The following ZSWIM7 variants were observed in gnomAD, a reference collection of about 807,000 sequenced individuals.
ZSWIM7 encodes zinc finger SWIM-type containing 7.
ZSWIM7 carries 22 observed loss-of-function variants against 21.1 expected under a neutral mutation model. The ratio of observed to expected loss-of-function variants is 1.04; its 90% CI spans 0.74 to 1.49. The LOEUF (loss-of-function observed/expected upper bound fraction) is 1.49. ZSWIM7 is among the 40% of genes most tolerant of loss of function. The probability of loss-of-function intolerance (pLI) is 0.00; values close to 1 mark genes in which losing one functional copy is unlikely to be tolerated. For synonymous variants in ZSWIM7, 67 were observed against 66.5 expected (o/e 1.01, Z -0.04); for missense variants, 193 against 168.0 (o/e 1.15, Z -0.82).
chr17:15,995,141 A>T (rs1970533430), intron 1 of ZSWIM7, among the ~76,000 whole-genome samples: 1 of 152,204 alleles, frequency 6.6e-6, no homozygotes, highest in Non-Finnish European at 1.5e-5. Flanking sequence ...ATCTTCTGAA[A>T]AAAAGTTATA....
chr17:15,996,369 G>A (rs190196148), intron 1 of ZSWIM7, among the ~76,000 whole-genome samples: 435 of 152,186 alleles, frequency 2.9e-3, no homozygotes, highest in Middle Eastern at 6.8e-3. Flanking sequence ...AACAGGGGCC[G>A]GTGTGGGGGC....
chr17:15,989,971 A>C (rs1182261923), intron 2 of ZSWIM7, among the ~76,000 whole-genome samples: 1 of 152,114 alleles, frequency 6.6e-6, no homozygotes, highest in Non-Finnish European at 1.5e-5. Context: ...CTGTAATCCC[A>C]GCACTTTGGG....
chr17:15,978,860 CAT>C (rs773325299), intron 4 of ZSWIM7, among the ~76,000 whole-genome samples: 3 of 151,986 alleles, frequency 2.0e-5, no homozygotes, highest in Non-Finnish European at 2.9e-5. Context: ...AAGTGCTTCT[CAT>C]AGATTATCTC....
At position 15,999,624 on chromosome 17, in the gene ZSWIM7, G is replaced by A. The variant is rs779218631; in HGVS notation, c.-30C>T. ...CCGCAGGACACGCCCTCCACGACCG[G>A]CGGACCGCCGCGACGCTCCAGCTGA... is the stretch of plus-strand genomic sequence containing the variant. On this transcript the variant is annotated 5_prime_UTR_variant, in exon 1 of 5. Coordinates refer to ENST00000399277, the MANE Select transcript of ZSWIM7 (RefSeq NM_001042697.2). The A allele has an allele frequency of 3.2e-6, 5 of 1,565,524 alleles. No homozygotes were observed. The highest frequency in any genetic ancestry group is 2.4e-5 in the East Asian group (1 of 41,794).
chr17:15,998,796 C>A (rs900737078), intron 1 of ZSWIM7, among the ~76,000 whole-genome samples: 1 of 151,220 alleles, frequency 6.6e-6, no homozygotes, highest in Non-Finnish European at 1.5e-5. Flanking sequence ...CTCTTGTTGC[C>A]CAGGCTGGAG....
intron 3 of ZSWIM7, among the ~76,000 whole-genome samples, chr17:15,982,520 C>T (rs1255720705): frequency 6.6e-6 from 1 of 151,856 alleles, no homozygotes; most frequent in African/African-American, 2.4e-5. Flanking sequence ...TCTTTCTTAC[C>T]CACAGAGAAT....
At position 15,999,627 on chromosome 17, in the gene ZSWIM7, G is replaced by T; in HGVS notation, c.-33C>A. 6.4e-7 allele frequency: 1 copy of T among 1,565,090 alleles called. No individual in the cohort carries two copies. Among genetic ancestry groups the T allele is most frequent in the Non-Finnish European group, 8.6e-7 (1 of 1,156,410 alleles). ...CAGGACACGCCCTCCACGACCGGCGGACCGCCGCGACGCTCCAGCTGACTG... is the reference window on the plus strand; with the variant it reads ...CAGGACACGCCCTCCACGACCGGCGTACCGCCGCGACGCTCCAGCTGACTG... On this transcript the variant is annotated 5_prime_UTR_variant, in exon 1 of 5. Coordinates refer to ENST00000399277, the MANE Select transcript of ZSWIM7 (RefSeq NM_001042697.2).
chr17:15,995,935 G>GA (rs1319300078), intron 1 of ZSWIM7, among the ~76,000 whole-genome samples: 2 of 151,214 alleles, frequency 1.3e-5, no homozygotes, highest in Admixed American at 6.6e-5. Context: ...AACTTCCAGA[G>GA]AAAAAAAAGG....
chr17:15,998,902 C>T (rs1302358994), intron 1 of ZSWIM7, among the ~76,000 whole-genome samples: 1 of 150,710 alleles, frequency 6.6e-6, no homozygotes, highest in Admixed American at 6.6e-5. Context: ...TTACAGGCGC[C>T]CGCCACCACG....
chr17:15,999,487 T>C, intron 1 of ZSWIM7, 32 bp downstream of exon 1: 1 of 1,593,484 alleles, frequency 6.3e-7, no homozygotes, highest in Non-Finnish European at 8.5e-7. Context: ...CCCGCGCCCA[T>C]GGCGCAGCCA....
intron 2 of ZSWIM7, among the ~76,000 whole-genome samples, chr17:15,992,132 G>C (rs758513975): frequency 5.9e-5 from 9 of 151,978 alleles, no homozygotes; most frequent in Non-Finnish European, 1.3e-4. Flanking sequence ...TCACCATGTT[G>C]GTCAGGCTGG....
chr17:15,978,872 C>A lies in ZSWIM7; in HGVS notation c.307-709G>T, dbSNP rs548759571. On this transcript the variant is annotated intron_variant, in intron 4 of 4. Coordinates refer to ENST00000399277, the MANE Select transcript of ZSWIM7 (RefSeq NM_001042697.2). ...GTGAAGTGCTTCTCATAGATTATCT[C>A]ACTGAAATCTGACAGCTCCCTAGGA... 3.3e-5 allele frequency among the ~76,000 whole-genome samples: 5 copies of A among 151,872 alleles called. No homozygotes were observed. In the East Asian group the frequency reaches 9.7e-4, roughly 29 times the overall value.
At chr17:15,995,270 CTTTT>C (rs1186343441) in intron 1 of ZSWIM7, among the ~76,000 whole-genome samples, 3 of 142,812 alleles carry the variant, frequency 2.1e-5, no homozygotes, top group African/African-American at 7.7e-5. Flanking sequence ...CCCCGTCTCT[CTTTT>C]TTTTTTTTTT....
chr17:15,993,358 T>G (rs962447106), intron 2 of ZSWIM7, among the ~76,000 whole-genome samples: 1 of 150,054 alleles, frequency 6.7e-6, no homozygotes, highest in South Asian at 2.1e-4. Flanking sequence ...TTTTATTTAT[T>G]TATTTATTTA....
At chr17:15,995,434 AT>A (rs201097569) in intron 1 of ZSWIM7, among the ~76,000 whole-genome samples, 6,464 of 151,898 alleles carry the variant, frequency 0.043, 458 homozygotes, top group African/African-American at 0.15. Flanking sequence ...CGCCCAGCTA[AT>A]TTTTTTAGTA....
At chr17:15,985,106 C>A (rs1159507609) in intron 3 of ZSWIM7, among the ~76,000 whole-genome samples, 1 of 152,122 alleles carries the variant, frequency 6.6e-6, no homozygotes, top group African/African-American at 2.4e-5. Context: ...GAGTTTGAGA[C>A]CAGCCTGGAC....
chr17:15,990,152 G>A (rs1196107744), intron 2 of ZSWIM7, among the ~76,000 whole-genome samples: 8 of 150,924 alleles, frequency 5.3e-5, no homozygotes, highest in East Asian at 2.0e-4. Context: ...CCCGGGAGGC[G>A]GAGCTTGCAG....
Position 15,978,022 on chromosome 17 carries a change from A to G in ZSWIM7, c.*25T>C. 1 of 1,558,034 alleles carries G rather than the reference A, an allele frequency of 6.4e-7. No individual in the cohort carries two copies. Among genetic ancestry groups the G allele is most frequent in the South Asian group, 1.1e-5 (1 of 89,936 alleles). ...ATTTCTTGACAGGATTCTATTTTGA[A>G]AGAATGATGCTCAATCTGTACCTTT... On this transcript the variant is annotated 3_prime_UTR_variant, in exon 5 of 5. Transcript: ENST00000399277.
chr17:15,993,975 G>C, intron 1 of ZSWIM7, 197 bp from the exon 2 acceptor site: 1 of 478,576 alleles, frequency 2.1e-6, no homozygotes, highest in Admixed American at 3.7e-5. Flanking sequence ...TTGAGACGGA[G>C]TCTTGTCCTG....
Sources: gnomAD v4.1 joint callset for allele counts (sites outside exome capture counted in the v4.1 genomes callset) on GRCh38, gnomAD v4.1.1 for gene constraint, MANE v1.5 for transcripts, NCBI Gene and HGNC (gene_info 2026-07-23, HGNC 2026-07-21) for gene names.